Variants in LAPTM4B observed in about 807,000 individuals in gnomAD.
LAPTM4B encodes the protein lysosomal-associated transmembrane protein 4B.
Under a neutral mutation model 28.5 loss-of-function variants are expected in LAPTM4B, and 26 were observed. The observed-to-expected ratio is 0.91, with a 90% confidence interval of 0.67 to 1.27. The LOEUF (loss-of-function observed/expected upper bound fraction) is 1.27. LAPTM4B is among the 50% of genes most tolerant of loss of function. The pLI, the probability that LAPTM4B is intolerant of heterozygous loss-of-function variation, is 0.00. For missense variants in LAPTM4B, 288 were observed against 285.8 expected (o/e 1.01, Z -0.06); for synonymous variants, 109 against 106.4 (o/e 1.02, Z -0.15).
intron 6 of LAPTM4B, among the ~76,000 whole-genome samples, chr8:97,827,523 A>G (rs1817108006): frequency 6.6e-6 from 1 of 152,152 alleles, no homozygotes; most frequent in South Asian, 2.1e-4. Flanking sequence ...TCTGAGTCCA[A>G]AATGTTATGG....
intron 6 of LAPTM4B, among the ~76,000 whole-genome samples, chr8:97,850,445 G>A (rs2129865537): frequency 1.3e-5 from 1 of 78,408 alleles, no homozygotes; most frequent in Middle Eastern, 5.7e-3. Context: ...GTAATGAAGT[G>A]TGTAGAGCTG....
intron 6 of LAPTM4B, among the ~76,000 whole-genome samples, chr8:97,831,419 C>T (rs569780230): frequency 2.0e-5 from 3 of 152,148 alleles, no homozygotes; most frequent in Non-Finnish European, 4.4e-5. Flanking sequence ...GGTAAATCCT[C>T]GGGCTTGGTG....
chr8:97,825,696 A>G (rs965831371), intron 6 of LAPTM4B, among the ~76,000 whole-genome samples: 1 of 152,222 alleles, frequency 6.6e-6, no homozygotes, highest in Non-Finnish European at 1.5e-5. Flanking sequence ...AAGATTTTTG[A>G]AAACATGTCT....
chr8:97,792,216 T>C (rs1376117876), intron 1 of LAPTM4B, among the ~76,000 whole-genome samples: 1 of 152,178 alleles, frequency 6.6e-6, no homozygotes, highest in African/African-American at 2.4e-5. Flanking sequence ...CTCATTTTCC[T>C]GCTTGTGTGC....
At position 97,815,197 on chromosome 8, in the gene LAPTM4B, T is replaced by C. The variant is rs149218999; in HGVS notation, c.212-131T>C. ...TCCCTTTTTCTATTTTGAAATAATC[T>C]CTTAGTATAAAGTATTTACTAACTT... On this transcript the variant is annotated intron_variant, in intron 2 of 6. Transcript: ENST00000521545. 4.3e-3 allele frequency: 2,913 copies of C among 679,944 alleles called. 58 individuals are homozygous for C. The highest frequency in any genetic ancestry group is 0.042 in the African/African-American group (2,359 of 55,642). The allele number at this position is 679,944 out of a possible 1,614,324, so 42.1% of individuals were successfully genotyped here.
chr8:97,793,376 G>T (rs916944005), intron 1 of LAPTM4B, among the ~76,000 whole-genome samples: 7 of 151,692 alleles, frequency 4.6e-5, no homozygotes, highest in Admixed American at 4.6e-4. Context: ...GGTTTAGCTC[G>T]CCCCCAGCAC....
chr8:97,807,215 T>C (rs1212158659), intron 2 of LAPTM4B, among the ~76,000 whole-genome samples: 1 of 152,188 alleles, frequency 6.6e-6, no homozygotes, highest in Non-Finnish European at 1.5e-5. Flanking sequence ...ATTGTGTGCC[T>C]CAATTTCCCC....
At chr8:97,795,837 TAAAAA>T (rs1190473113) in intron 1 of LAPTM4B, among the ~76,000 whole-genome samples, 1 of 114,130 alleles carries the variant, frequency 8.8e-6, no homozygotes, top group East Asian at 2.9e-4. Flanking sequence ...ACTCTGTCTT[TAAAAA>T]AAAAAAAAAA....
At chr8:97,815,258 G>T in intron 2 of LAPTM4B, 70 bp from the exon 3 acceptor site, 1 of 1,116,116 alleles carries the variant, frequency 9.0e-7, no homozygotes, top group South Asian at 1.3e-5. Context: ...TTTGAGAAGA[G>T]ACTGAAAGTA....
chr8:97,801,184 T>C (rs943200439), intron 1 of LAPTM4B, among the ~76,000 whole-genome samples: 1 of 151,640 alleles, frequency 6.6e-6, no homozygotes, highest in African/African-American at 2.4e-5. Flanking sequence ...TCATACTTTT[T>C]TTTTTTTTTT....
intron 2 of LAPTM4B, among the ~76,000 whole-genome samples, chr8:97,811,920 C>T (rs1202236101): frequency 6.6e-6 from 1 of 152,096 alleles, no homozygotes; most frequent in Non-Finnish European, 1.5e-5. Flanking sequence ...GTTCTCCCAC[C>T]TCAGTCTCCT....
intron 1 of LAPTM4B, among the ~76,000 whole-genome samples, chr8:97,781,156 T>A (rs1415355249): frequency 6.6e-6 from 1 of 151,904 alleles, no homozygotes; most frequent in East Asian, 1.9e-4. Context: ...AATTTTTGTA[T>A]TTTTAGTAGA....
chr8:97,827,969 A>C (rs1817118848), intron 6 of LAPTM4B, among the ~76,000 whole-genome samples: 1 of 152,062 alleles, frequency 6.6e-6, no homozygotes. Context: ...GTTGGCTAAT[A>C]AGCTAAGACG....
intron 2 of LAPTM4B, among the ~76,000 whole-genome samples, chr8:97,812,206 G>GT (rs144651693): frequency 0.083 from 6,431 of 77,594 alleles, 493 homozygotes; most frequent in African/African-American, 0.18. Flanking sequence ...TTAATTATTT[G>GT]TTTTTTTTTT....
intron 1 of LAPTM4B, among the ~76,000 whole-genome samples, chr8:97,798,634 G>A (rs1816627072): frequency 6.6e-6 from 1 of 152,036 alleles, no homozygotes; most frequent in Non-Finnish European, 1.5e-5. Flanking sequence ...ACACTGGCAG[G>A]TTTAGGACCC....
chr8:97,784,829 C>T (rs1816376751), intron 1 of LAPTM4B, among the ~76,000 whole-genome samples: 1 of 152,126 alleles, frequency 6.6e-6, no homozygotes, highest in African/African-American at 2.4e-5. Flanking sequence ...TCTCTAGATA[C>T]AAACTATAGT....
chr8:97,827,483 A>G (rs946393467), intron 6 of LAPTM4B, among the ~76,000 whole-genome samples: 1 of 152,200 alleles, frequency 6.6e-6, no homozygotes, highest in Non-Finnish European at 1.5e-5. Context: ...TTGTATCCTT[A>G]TAATAAGCCA....
chr8:97,780,939 C>A (rs1489432358), intron 1 of LAPTM4B, among the ~76,000 whole-genome samples: 1 of 151,684 alleles, frequency 6.6e-6, no homozygotes. Context: ...TTCTAGAGAT[C>A]ATTTTTTGTT....
At chr8:97,822,998 T>C (rs6983263) in intron 5 of LAPTM4B, among the ~76,000 whole-genome samples, 71,577 of 151,758 alleles carry the variant, frequency 0.47, 17,772 homozygotes, top group African/African-American at 0.59. Context: ...CCTGCCACCA[T>C]GCCCGGCTAG....
Sources: gnomAD v4.1 joint callset for allele counts (sites outside exome capture counted in the v4.1 genomes callset) on GRCh38, gnomAD v4.1.1 for gene constraint, MANE v1.5 for transcripts, NCBI Gene and HGNC (gene_info 2026-07-23, HGNC 2026-07-21) for gene names.